The following HELZ2 variants were observed in gnomAD, a reference collection of about 807,000 sequenced individuals.
HELZ2 encodes 3'-5' exoribonuclease HELZ2.
A neutral mutation model predicts 208.8 loss-of-function variants in HELZ2; 143 were observed. The observed-to-expected ratio is 0.68, with a 90% CI of 0.60 to 0.79. The LOEUF (loss-of-function observed/expected upper bound fraction) is 0.79, where lower values mean the gene tolerates loss of function less well. Among genes scored for constraint, HELZ2 ranks in the 30% least tolerant of loss-of-function variants. The pLI is 0.00. For missense variants in HELZ2, 3,690 were observed against 3,794.5 expected (o/e 0.97, Z 0.72); for synonymous variants, 1,705 against 1,693.7 (o/e 1.01, Z -0.16).
intron 16 of HELZ2, 29 bp from the exon 18 acceptor site, chr20:63,560,356 G>A: frequency 6.4e-7 from 1 of 1,559,418 alleles, no homozygotes; most frequent in South Asian, 1.2e-5. Flanking sequence ...AGGTGGAGCG[G>A]ACCCTGGTGT....
rs1199806511 is a variant in HELZ2, at chr20:63,560,934, A to G, written c.7147-5T>C. 7.4e-6 allele frequency: 12 copies of G among 1,612,174 alleles called. No homozygotes were observed. Among genetic ancestry groups the G allele is most frequent in the Non-Finnish European group, 1.0e-5 (12 of 1,179,538 alleles). On this transcript the variant is annotated splice_region_variant and splice_polypyrimidine_tract_variant and intron_variant, in intron 14 of 18. Transcript: ENST00000467148. ...GTGGTCTCCGAGAAGAACCACCTGG[A>G]GGAATAGGCAGGCCTGGCCCTGACA...
downstream of HELZ2, chr20:63,559,050 G>A (rs1179689410): frequency 3.5e-5 from 20 of 573,638 alleles, no homozygotes; most frequent in South Asian, 7.5e-5. Context: ...GTCCCCAGAT[G>A]CCCAGGAGGA....
At position 63,567,520 on chromosome 20, in the gene HELZ2, G is replaced by A. The variant is rs766801985; in HGVS notation, c.1838C>T (p.Thr613Met). The A allele has an allele frequency of 2.5e-5, 39 of 1,562,574 alleles. No individual in the cohort carries two copies. The Admixed American group carries it at 4.4e-4, about 18-fold the overall frequency. ...ACAGTACTGCAGCGTGACTGGGTCC[G>A]TCTGGCTCAGCGGCCGGTCCGTGTA... The change falls in exon 6 of 19, where the codon ACG (threonine) becomes ATG (methionine). Residue 613 changes from threonine to methionine, a missense_variant. Transcript: ENST00000467148.
exon 8 of HELZ2, chr20:63,563,734 A>G (rs310630): frequency 0.45 from 718,112 of 1,596,014 alleles, 166,591 homozygotes; most frequent in African/African-American, 0.69. Context: ...CAGAGTAGGC[A>G]GAGCCCCCAT....
chr20:63,563,738 C>A (rs747594315), exon 8 of HELZ2: 1 of 1,598,800 alleles, frequency 6.3e-7, no homozygotes, highest in Non-Finnish European at 8.5e-7. Flanking sequence ...GTAGGCAGAG[C>A]CCCCATGGCC....
At position 63,568,699 on chromosome 20, in the gene HELZ2, G is replaced by A. The variant is rs1044923016; in HGVS notation, c.1389C>T (p.Ala463=). 7 of 1,606,020 alleles carry A rather than the reference G, an allele frequency of 4.4e-6. No individual in the cohort carries two copies. The African/African-American group carries it at 6.7e-5, about 15-fold the overall frequency. Reference sequence around the variant, plus strand: ...GGAACTGCACCTCCAGGACCAGGCGGGCCTCAGGCTGCAGCCCCAGGGCCA... The same window carrying A: ...GGAACTGCACCTCCAGGACCAGGCGAGCCTCAGGCTGCAGCCCCAGGGCCA... Residue 463 remains alanine (A), a synonymous_variant, in exon 5 of 19, where the codon GCC becomes GCT. Transcript: ENST00000467148.
intron 6 of HELZ2, 142 bp downstream of exon 7, chr20:63,566,702 C>A: frequency 1.2e-6 from 1 of 854,970 alleles, no homozygotes; most frequent in Non-Finnish European, 1.8e-6. Flanking sequence ...GGGCCGAGCC[C>A]CACCTCAGCC....
chr20:63,566,815 G>A (rs747832020), intron 6 of HELZ2, 29 bp downstream of exon 7: 38 of 1,563,246 alleles, frequency 2.4e-5, no homozygotes, highest in Admixed American at 6.8e-5. Flanking sequence ...GGGTGCGGTC[G>A]GGGGCTGTCC....
At chr20:63,564,006 C>A in exon 8 of HELZ2, 1 of 1,604,482 alleles carries the variant, frequency 6.2e-7, no homozygotes, top group South Asian at 1.1e-5. Context: ...GCAAACTGGA[C>A]CTGCTTCCAG....
exon 8 of HELZ2, chr20:63,564,766 G>A: frequency 6.2e-7 from 1 of 1,611,980 alleles, no homozygotes; most frequent in South Asian, 1.1e-5. Context: ...CATCATCGAG[G>A]TTGCAGGCGC....
chr20:63,570,531 G>A lies in HELZ2; in HGVS notation c.543C>T (p.Tyr181=), dbSNP rs61744538. Reference sequence around the variant, plus strand: ...CAGAGTGGACGGCAAACGTCCAGCTGTACTGGGTCTTCCTCTCCTGGGCCT... The same window carrying A: ...CAGAGTGGACGGCAAACGTCCAGCTATACTGGGTCTTCCTCTCCTGGGCCT... Residue 181 remains tyrosine, a synonymous_variant, in exon 3 of 19, where the codon TAC becomes TAT. Coordinates refer to ENST00000467148, the Ensembl canonical transcript of HELZ2. The A allele has an allele frequency of 1.4e-3, 2,205 of 1,613,368 alleles. 26 individuals are homozygous for A. The African/African-American group carries it at 0.027, about 20-fold the overall frequency.
Position 63,559,315 on chromosome 20 carries a change from G to T in HELZ2, c.7881C>A (p.Cys2627Ter). Residue 2627 changes from cysteine to a stop codon, truncating the protein, a stop_gained, in exon 19 of 19, where the codon TGC becomes TGA. Coordinates refer to ENST00000467148, the Ensembl canonical transcript of HELZ2. LOFTEE classifies it low-confidence loss of function (END_TRUNC). ...CAGGCACGAGGGTCTGCTGAGCCTCGCAGAAGTCCAGGAGGCTACGCCAGA... is the reference window on the plus strand; with the variant it reads ...CAGGCACGAGGGTCTGCTGAGCCTCTCAGAAGTCCAGGAGGCTACGCCAGA... 6.2e-7 allele frequency: 1 copy of T among 1,601,914 alleles called. No homozygotes were observed. Among genetic ancestry groups the T allele is most frequent in the Non-Finnish European group, 8.5e-7 (1 of 1,174,792 alleles).
exon 8 of HELZ2, chr20:63,566,215 G>C (rs61742585): frequency 1.3e-6 from 2 of 1,491,414 alleles, no homozygotes; most frequent in Non-Finnish European, 1.8e-6. Context: ...TGAGCACCAC[G>C]ACCCGGAACT....
rs2082884981 is a variant in HELZ2, at chr20:63,561,380, C to G, written c.6923G>C (p.Gly2308Ala). The change falls in exon 13 of 19, where the codon GGG becomes GCG. Residue 2308 changes from glycine (G) to alanine (A), a missense_variant. Physicochemically the swap from Gly to Ala is moderately conservative, Grantham distance 60. Around this residue, in one of 3 missense-constraint regions of HELZ2, gnomAD observed 2,564 missense variants for 2,580.5 expected, o/e 0.99. Transcript: ENST00000467148. ...CAGGTCCTCCCTGGAGAAGAGCTCC[C>G]CTCTCTGCAGCCGGGTGTCAAAGGC... 3.7e-6 allele frequency: 6 copies of G among 1,613,074 alleles called. No individual in the cohort carries two copies. The East Asian group carries it at 1.3e-4, about 36-fold the overall frequency.
chr20:63,562,421 C>G, intron 8 of HELZ2, 39 bp from the exon 10 acceptor site: 1 of 1,549,348 alleles, frequency 6.5e-7, no homozygotes, highest in South Asian at 1.2e-5. Context: ...CAACAGGACT[C>G]CCAGGAAAGG....
At chr20:63,567,347 G>T in exon 6 of HELZ2, 2 of 1,605,358 alleles carry the variant, frequency 1.2e-6, no homozygotes, top group Non-Finnish European at 1.7e-6. Flanking sequence ...TCCAGCATCT[G>T]GGCCGCCTCA....
intron 6 of HELZ2, 62 bp downstream of exon 7, chr20:63,566,782 G>A: frequency 1.4e-6 from 2 of 1,472,520 alleles, no homozygotes; most frequent in Non-Finnish European, 1.8e-6. Context: ...CCATCAGCCG[G>A]AGAGCTCCCC....
chr20:63,569,529 T>C, exon 4 of HELZ2: 1 of 1,609,008 alleles, frequency 6.2e-7, no homozygotes, highest in South Asian at 1.1e-5. Flanking sequence ...CACTCCCACC[T>C]GGAAGTCGGC....
Position 63,567,911 on chromosome 20 carries a change from G to A in HELZ2, c.1731-284C>T, listed in dbSNP as rs562899160. ...CCCAATCCAGAAATCAGCCCGGGAC[G>A]TATGGCCACTGTCCCAGGCTCTTCC... On this transcript the variant is annotated intron_variant, in intron 5 of 18. Transcript: ENST00000467148. The A allele has an allele frequency of 5.2e-4, 316 of 604,176 alleles. 1 individual carries two copies. Among genetic ancestry groups the A allele is most frequent in the Non-Finnish European group, 7.3e-4 (256 of 349,726 alleles). The allele number at this position is 604,176 out of a possible 1,614,324, so 37.4% of individuals were successfully genotyped here.
Sources: gnomAD v4.1 joint callset for allele counts on GRCh38, gnomAD v4.1.1 for gene constraint, gnomAD v4.1.1 regional missense constraint, MANE v1.5 for transcripts, NCBI Gene and HGNC (gene_info 2026-07-23, HGNC 2026-07-21) for gene names.